Variants in PINX1 observed in about 807,000 individuals in gnomAD.
PINX1 encodes PIN2/TERF1-interacting telomerase inhibitor 1.
In PINX1, 34 loss-of-function variants were observed where a neutral mutation model predicts 25.4. The observed-to-expected ratio is 1.34, with a 90% confidence interval of 1.02 to 1.78. The LOEUF is 1.78. Ranked by LOEUF, PINX1 falls within the 40% of genes most tolerant of loss-of-function variation. The pLI is 0.00. For synonymous variants in PINX1, 197 were observed against 147.7 expected, an observed-to-expected ratio of 1.33 and a Z score of -2.42; for missense variants, 592 against 404.9, an observed-to-expected ratio of 1.46 and a Z score of -3.97.
At chr8:10,811,974 GC>G (rs1407484047) in intron 6 of PINX1, among the ~76,000 whole-genome samples, 1 of 152,124 alleles carries the variant, frequency 6.6e-6, no homozygotes, top group Non-Finnish European at 1.5e-5. Context: ...TATCACTGAG[GC>G]CATCTTTGGA....
At chr8:10,792,940 G>T (rs1801969155) in intron 6 of PINX1, among the ~76,000 whole-genome samples, 1 of 152,096 alleles carries the variant, frequency 6.6e-6, no homozygotes, top group African/African-American at 2.4e-5. Flanking sequence ...ATTTCCAGGT[G>T]GAAGCTGACC....
chr8:10,825,397 C>T (rs376152593), intron 5 of PINX1: 69 of 534,804 alleles, frequency 1.3e-4, no homozygotes, highest in African/African-American at 1.0e-3. Flanking sequence ...CATCATCACG[C>T]TTCTTATGTA....
At chr8:10,781,866 T>A (rs549441353) in intron 6 of PINX1, among the ~76,000 whole-genome samples, 66 of 152,138 alleles carry the variant, frequency 4.3e-4, no homozygotes, top group Non-Finnish European at 3.7e-4. Context: ...AATCACCTTG[T>A]GAAGATGCCT....
intron 6 of PINX1, among the ~76,000 whole-genome samples, chr8:10,788,948 A>G (rs1275602560): frequency 7.0e-6 from 1 of 143,874 alleles, no homozygotes; most frequent in Non-Finnish European, 1.5e-5. Flanking sequence ...TAACAGGAAT[A>G]TTATGTAATA....
At chr8:10,836,046 A>G (rs1798395879) in intron 1 of PINX1, among the ~76,000 whole-genome samples, 1 of 152,180 alleles carries the variant, frequency 6.6e-6, no homozygotes, top group African/African-American at 2.4e-5. Flanking sequence ...TGCCACATCA[A>G]TATAAGCACA....
intron 6 of PINX1, among the ~76,000 whole-genome samples, chr8:10,816,857 C>A (rs1797713987): frequency 6.6e-6 from 1 of 152,112 alleles, no homozygotes; most frequent in Non-Finnish European, 1.5e-5. Context: ...CCACGTGTGC[C>A]ATTTTGGAGC....
intron 4 of PINX1, among the ~76,000 whole-genome samples, chr8:10,828,445 G>A (rs935001037): frequency 2.0e-5 from 3 of 152,156 alleles, no homozygotes; most frequent in Admixed American, 6.5e-5. Context: ...GAGCTGCTGT[G>A]ATGCCTGAAC....
chr8:10,806,529 G>T (rs1325913582), intron 6 of PINX1, among the ~76,000 whole-genome samples: 2 of 152,148 alleles, frequency 1.3e-5, no homozygotes, highest in Non-Finnish European at 2.9e-5. Flanking sequence ...TGGAAATGAT[G>T]GATGAGAAAA....
intron 1 of PINX1, among the ~76,000 whole-genome samples, chr8:10,838,620 A>G (rs1798477043): frequency 6.6e-6 from 1 of 152,230 alleles, no homozygotes; most frequent in African/African-American, 2.4e-5. Flanking sequence ...ATCAAAGAAT[A>G]CGAAAACCAG....
At chr8:10,822,579 A>T (rs554479960) in intron 5 of PINX1, among the ~76,000 whole-genome samples, 1 of 152,360 alleles carries the variant, frequency 6.6e-6, no homozygotes, top group African/African-American at 2.4e-5. Flanking sequence ...TCTAATAATC[A>T]TGATTATCAG....
chr8:10,830,647 T>C (rs1798201247), intron 4 of PINX1, among the ~76,000 whole-genome samples: 1 of 152,096 alleles, frequency 6.6e-6, no homozygotes, highest in African/African-American at 2.4e-5. Flanking sequence ...CAAAATCCAA[T>C]TAAAAAATGG....
intron 6 of PINX1, chr8:10,787,894 A>C (rs1011169915): frequency 2.7e-5 from 12 of 452,522 alleles, no homozygotes; most frequent in Non-Finnish European, 4.9e-5. Context: ...ATTATCAATT[A>C]ATCTATAATA....
chr8:10,773,393 A>G (rs1192144002), intron 6 of PINX1, among the ~76,000 whole-genome samples: 19 of 152,230 alleles, frequency 1.2e-4, no homozygotes, highest in Admixed American at 1.2e-3. Context: ...AAAAGCCAGT[A>G]AAGAAAAAAT....
chr8:10,792,053 C>T (rs907687558), intron 6 of PINX1, among the ~76,000 whole-genome samples: 22 of 152,178 alleles, frequency 1.4e-4, no homozygotes, highest in African/African-American at 4.8e-4. Context: ...GCAAGGGTAG[C>T]GCTGGAGCTT....
At chr8:10,778,071 A>C (rs559295170) in intron 6 of PINX1, among the ~76,000 whole-genome samples, 2 of 152,316 alleles carry the variant, frequency 1.3e-5, no homozygotes, top group South Asian at 4.2e-4. Flanking sequence ...CCAACAAATA[A>C]CATCTGTGAA....
chr8:10,774,250 T>C lies in PINX1; in HGVS notation c.472-8334A>G, dbSNP rs187831375. On this transcript the variant is annotated intron_variant, in intron 6 of 6. Coordinates refer to ENST00000314787, the MANE Select transcript of PINX1 (RefSeq NM_017884.6). Reference sequence around the variant, plus strand: ...AGCAGTTCTTGAAGATTCTATTAAATGTAAAATCTTCTAATTTCTAAAAAG... The same window carrying C: ...AGCAGTTCTTGAAGATTCTATTAAACGTAAAATCTTCTAATTTCTAAAAAG... Among the ~76,000 whole-genome samples, 35 of 152,252 alleles carry C rather than the reference T, an allele frequency of 2.3e-4. 1 individual carries two copies. The highest frequency in any genetic ancestry group is 1.5e-5 in the Non-Finnish European group (1 of 68,014).
At chr8:10,772,866 C>G (rs1405181228) in intron 6 of PINX1, among the ~76,000 whole-genome samples, 3 of 152,050 alleles carry the variant, frequency 2.0e-5, no homozygotes, top group Non-Finnish European at 2.9e-5. Context: ...TGCAGGGGTT[C>G]CAGAGGGTTC....
rs72549119 is a variant in PINX1, at chr8:10,777,668, T to A, written c.472-11752A>T. 3.9e-4 allele frequency among the ~76,000 whole-genome samples: 59 copies of A among 152,104 alleles called. 2 individuals are homozygous for A. The highest frequency in any genetic ancestry group is 3.4e-3 in the Middle Eastern group (1 of 294). On this transcript the variant is annotated intron_variant, in intron 6 of 6. Coordinates refer to ENST00000314787, the MANE Select transcript of PINX1 (RefSeq NM_017884.6). The stretch of plus-strand genomic sequence containing the variant: ...ATGGTTTGGTCCCCCCAAAATTGCC[T>A]TTTTTTTAAAAAACACATGGATTTT...
At chr8:10,792,275 G>A (rs1043615631) in intron 6 of PINX1, among the ~76,000 whole-genome samples, 2 of 151,848 alleles carry the variant, frequency 1.3e-5, no homozygotes, top group African/African-American at 4.8e-5. Context: ...TGCTACTTCT[G>A]CTTGAAAATC....
Sources: gnomAD v4.1 joint callset for allele counts (sites outside exome capture counted in the v4.1 genomes callset) on GRCh38, gnomAD v4.1.1 for gene constraint, MANE v1.5 for transcripts, NCBI Gene and HGNC (gene_info 2026-07-23, HGNC 2026-07-21) for gene names.